STAT5B: variants seen among roughly 807,000 people sequenced by gnomAD.
STAT5B encodes the protein signal transducer and activator of transcription 5B.
STAT5B carries 21 observed loss-of-function variants against 107.8 expected under a neutral mutation model. That is an observed-to-expected ratio of 0.19 (90% CI 0.14 to 0.28). The LOEUF (loss-of-function observed/expected upper bound fraction) is 0.28. Among genes scored for constraint, STAT5B ranks in the 10% least tolerant of loss-of-function variants. STAT5B has a pLI of 1.00. For synonymous variants in STAT5B, 325 were observed against 401.7 expected (o/e 0.81, Z 2.28); for missense variants, 565 against 1,008.2 (o/e 0.56, Z 5.95).
chr17:42,263,015 T>TAA (rs753051715), intron 1 of STAT5B, among the ~76,000 whole-genome samples: 3 of 35,166 alleles, frequency 8.5e-5, no homozygotes, highest in African/African-American at 2.3e-4. Context: ...TATATATATA[T>TAA]AAAAAAACAA....
chr17:42,282,192 C>T, the STAT5B span, among the ~76,000 whole-genome samples: 1 of 152,152 alleles, frequency 6.6e-6, no homozygotes. Context: ...AGCAGTGGGA[C>T]ATAGCCCTTT....
rs2144303626 is a variant in STAT5B at position 42,233,974 on chromosome 17, T to A, written c.-10-1837A>T. On this transcript the variant is annotated intron_variant, in intron 1 of 18. Coordinates refer to ENST00000293328, the MANE Select transcript of STAT5B (RefSeq NM_012448.4). ...AGGGACTTCAGGTAACTCTAAGGAC[T>A]GAAAATGAATCTTGCTCTAACACTA... 2.0e-5 allele frequency: 3 copies of A among 152,296 alleles called. No homozygotes were observed. The Middle Eastern group carries it at 0.01, about 518-fold the overall frequency. The allele number at this position is 152,296 out of a possible 1,614,324, so 9.4% of individuals were successfully genotyped here.
intron 8 of STAT5B, 60 bp downstream of exon 8, chr17:42,218,663 C>A: frequency 1.2e-6 from 2 of 1,611,792 alleles, no homozygotes; most frequent in Non-Finnish European, 1.7e-6. Flanking sequence ...ACCTGCGGCT[C>A]CCCCCACGCA....
intron 1 of STAT5B, among the ~76,000 whole-genome samples, chr17:42,267,023 G>T (rs1243954581): frequency 6.6e-6 from 1 of 152,062 alleles, no homozygotes; most frequent in Non-Finnish European, 1.5e-5. Flanking sequence ...TATCACTGTG[G>T]TCCCATAAGA....
intron 1 of STAT5B, among the ~76,000 whole-genome samples, chr17:42,267,522 GT>G (rs1239791482): frequency 2.0e-5 from 3 of 151,860 alleles, no homozygotes; most frequent in Non-Finnish European, 4.4e-5. Flanking sequence ...AAATTAAAAA[GT>G]TTTTAAAGTT....
chr17:42,262,165 TTTA>T (rs757999955), intron 1 of STAT5B, among the ~76,000 whole-genome samples: 6 of 151,952 alleles, frequency 3.9e-5, no homozygotes, highest in Non-Finnish European at 7.4e-5. Context: ...TTAAAATTCT[TTTA>T]TTTTTATTCT....
chr17:42,282,377 G>T, the STAT5B span, among the ~76,000 whole-genome samples: 1 of 152,108 alleles, frequency 6.6e-6, no homozygotes, highest in Non-Finnish European at 1.5e-5. Flanking sequence ...AGGCTGGAGT[G>T]CAGTGGTGTG....
At position 42,223,430 on chromosome 17, in the gene STAT5B, T is replaced by A; in HGVS notation, c.502A>T (p.Thr168Ser). ...TACTGGATGATGAAGTACTCCTGAG[T>A]CTGCTGCAGCTTTTTTAACTCATTC... Reference protein sequence around the residue: ...TENELKKLQQTQEYFIIQYQE... With the variant: ...TENELKKLQQSQEYFIIQYQE... The change falls in exon 5 of 19, where the codon ACT (threonine) becomes TCT (serine). Residue 168 changes from threonine to serine, a missense_variant. Coordinates refer to ENST00000293328, the MANE Select transcript of STAT5B (RefSeq NM_012448.4). 1 of 1,614,174 alleles carries A rather than the reference T, an allele frequency of 6.2e-7. No individual in the cohort carries two copies. Among genetic ancestry groups the A allele is most frequent in the Non-Finnish European group, 8.5e-7 (1 of 1,180,036 alleles).
In STAT5B at chr17:42,267,976, GT is replaced by G. The variant is rs2080688845; in HGVS notation, c.-11+8271del. On this transcript the variant is annotated intron_variant, in intron 1 of 18. Transcript: ENST00000293328. The stretch of plus-strand genomic sequence containing the variant: ...TCCATCTCAAAAAAAAAAAAAAAAA[GT>G]AAAAAGTTTACAAAGTAAAAGTATT... 4.1e-5 allele frequency among the ~76,000 whole-genome samples: 6 copies of G among 146,584 alleles called. No individual in the cohort carries two copies. In the South Asian group the frequency reaches 1.3e-3, roughly 31 times the overall value.
the STAT5B span, among the ~76,000 whole-genome samples, chr17:42,286,295 G>T: frequency 1.3e-5 from 2 of 151,028 alleles, no homozygotes; most frequent in African/African-American, 4.9e-5. Flanking sequence ...ACAGATATTC[G>T]GGGCCTTACA....
At chr17:42,220,641 G>C (rs1567660717) in intron 5 of STAT5B, among the ~76,000 whole-genome samples, 1 of 152,120 alleles carries the variant, frequency 6.6e-6, no homozygotes, top group Non-Finnish European at 1.5e-5. Flanking sequence ...GACCGCAGAG[G>C]GAGAGCATGT....
chr17:42,217,609 T>C, intron 9 of STAT5B, 145 bp from the exon 10 acceptor site: 1 of 793,210 alleles, frequency 1.3e-6, no homozygotes, highest in Non-Finnish European at 2.1e-6. Context: ...ACATAACACA[T>C]ACATGTAATC....
intron 1 of STAT5B, among the ~76,000 whole-genome samples, chr17:42,261,773 T>C (rs1053335394): frequency 1.3e-5 from 2 of 152,160 alleles, no homozygotes; most frequent in African/African-American, 4.8e-5. Context: ...TTGCCCAGGA[T>C]ACTTTTGAAC....
rs1165816242 is a variant in STAT5B, at chr17:42,200,867, C to T, written c.*871G>A. ...CCGGAACAGCAGCTTCCTGGGTAAC[C>T]AGGCAACAATCTCAGCGCCTGGGAG... is the stretch of plus-strand genomic sequence containing the variant. On this transcript the variant is annotated 3_prime_UTR_variant, in exon 19 of 19. Coordinates refer to ENST00000293328, the MANE Select transcript of STAT5B (RefSeq NM_012448.4). 3 of 390,626 alleles carry T rather than the reference C, an allele frequency of 7.7e-6. No individual in the cohort carries two copies. The highest frequency in any genetic ancestry group is 4.1e-5 in the African/African-American group (2 of 48,518). 24.2% of individuals were successfully genotyped at this position (390,626 alleles called of 1,614,324 possible).
At chr17:42,273,508 T>G (rs2144439546) in intron 1 of STAT5B, among the ~76,000 whole-genome samples, 1 of 152,356 alleles carries the variant, frequency 6.6e-6, no homozygotes, top group South Asian at 2.1e-4. Context: ...TAGGGTTATT[T>G]TGCTTCCTTT....
intron 15 of STAT5B, among the ~76,000 whole-genome samples, chr17:42,208,182 G>A (rs575847004): frequency 6.6e-5 from 10 of 151,924 alleles, no homozygotes; most frequent in East Asian, 2.0e-4. Flanking sequence ...GTGAGCCACC[G>A]TGCCCGGCCT....
rs780841478 is a variant in STAT5B at position 42,218,246 on chromosome 17, C to T, written c.1074G>A (p.Gly358=). 2 of 1,614,048 alleles carry T rather than the reference C, an allele frequency of 1.2e-6. No individual in the cohort carries two copies. The highest frequency in any genetic ancestry group is 2.2e-5 in the East Asian group (1 of 44,894). The change falls in exon 9 of 19, where the codon GGG becomes GGA. Residue 358 remains glycine (G), a synonymous_variant. Coordinates refer to ENST00000293328, the MANE Select transcript of STAT5B (RefSeq NM_012448.4). Reference sequence around the variant, plus strand: ...GGGGGTTCATGTGCACGTTCAGCTTCCCGCCCACCAGCAGGCGCACAGTGG... The same window carrying T: ...GGGGGTTCATGTGCACGTTCAGCTTTCCGCCCACCAGCAGGCGCACAGTGG... ...FAATVRLLVG[G]KLNVHMNPPQ...
rs531348156 is a variant in STAT5B at position 42,217,708 on chromosome 17, G to A, written c.1170-244C>T. ...AGAGAACTTTTTTTTTTTTTTTTGT[G>A]ACGGAGTTTTGCTCTTGTTGCCCAG... is the stretch of plus-strand genomic sequence containing the variant. On this transcript the variant is annotated intron_variant, in intron 9 of 18. Coordinates refer to ENST00000293328, the MANE Select transcript of STAT5B (RefSeq NM_012448.4). The A allele has an allele frequency of 1.4e-5, 7 of 498,490 alleles. 1 individual carries two copies. Among genetic ancestry groups the A allele is most frequent in the African/African-American group, 4.6e-5 (2 of 43,090 alleles). 30.9% of individuals were successfully genotyped at this position (498,490 alleles called of 1,614,324 possible).
intron 1 of STAT5B, among the ~76,000 whole-genome samples, chr17:42,269,124 A>G (rs1247462492): frequency 1.3e-5 from 2 of 152,148 alleles, no homozygotes; most frequent in Non-Finnish European, 2.9e-5. Flanking sequence ...CCCAGGCTGG[A>G]GCACAGTAGT....
Sources: allele counts gnomAD v4.1 joint callset (sites outside exome capture counted in the v4.1 genomes callset), GRCh38; gene constraint gnomAD v4.1.1; transcripts MANE v1.5; gene names NCBI Gene and HGNC (gene_info 2026-07-23, HGNC 2026-07-21).